Variants in SORT1 observed in about 807,000 individuals in gnomAD.
SORT1 encodes the protein sortilin.
Under a neutral mutation model 101.7 loss-of-function variants are expected in SORT1, and 39 were observed. The ratio of observed to expected loss-of-function variants is 0.38; its 90% confidence interval spans 0.30 to 0.50. The LOEUF (loss-of-function observed/expected upper bound fraction) is 0.50, where lower values mean the gene tolerates loss of function less well. Among genes scored for constraint, SORT1 ranks in the 20% least tolerant of loss-of-function variants. The probability of loss-of-function intolerance (pLI) is 0.90; values close to 1 mark genes in which losing one functional copy is unlikely to be tolerated. For synonymous variants in SORT1, 396 were observed against 393.7 expected (o/e 1.01, Z -0.07); for missense variants, 878 against 1,040.4 (o/e 0.84, Z 2.15).
At chr1:109,314,807 GT>G in intron 17 of SORT1, 29 bp from the exon 18 acceptor site, 1 of 1,334,156 alleles carries the variant, frequency 7.5e-7, no homozygotes, top group Non-Finnish European at 1.1e-6. Context: ...AAACACAAAA[GT>G]TTTAGGCATG....
chr1:109,391,666 T>C (rs1652922893), intron 1 of SORT1, among the ~76,000 whole-genome samples: 1 of 152,210 alleles, frequency 6.6e-6, no homozygotes, highest in African/African-American at 2.4e-5. Flanking sequence ...ATGAGGAATC[T>C]GTCATGAACA....
chr1:109,339,858 T>C (rs1046795222), intron 10 of SORT1, among the ~76,000 whole-genome samples: 3 of 151,992 alleles, frequency 2.0e-5, no homozygotes, highest in African/African-American at 4.8e-5. Context: ...AATGGAGGAA[T>C]AAAAAACAGG....
intron 6 of SORT1, among the ~76,000 whole-genome samples, chr1:109,347,797 T>C (rs1649698867): frequency 1.3e-5 from 2 of 152,164 alleles, no homozygotes; most frequent in South Asian, 2.1e-4. Context: ...CTCTCAACAT[T>C]TGCCTCTGAC....
chr1:109,327,084 C>G lies in SORT1; in HGVS notation c.1551G>C (p.Lys517Asn). ...TGTAATAGTGGGGTCCTTCCAGCAT[C>G]TTTGTCCAGGAGTAACCCCCATCAT... ...ISDDGGYSWT[K>N]MLEGPHYYTI... The change falls in exon 13 of 20, where the codon AAG becomes AAC. Residue 517 changes from lysine (K) to asparagine (N), a missense_variant. By Grantham distance (94) the Lys-to-Asn change is moderately conservative (BLOSUM62 0). Around this residue, in one of 2 missense-constraint regions of SORT1, gnomAD observed 684 missense variants for 894.5 expected, o/e 0.76. Transcript: ENST00000256637. The G allele has an allele frequency of 1.2e-6, 2 of 1,613,286 alleles. No individual in the cohort carries two copies. Among genetic ancestry groups the G allele is most frequent in the Non-Finnish European group, 1.7e-6 (2 of 1,179,772 alleles).
At chr1:109,349,475 C>A (rs1314946051) in intron 6 of SORT1, among the ~76,000 whole-genome samples, 1 of 151,928 alleles carries the variant, frequency 6.6e-6, no homozygotes. Context: ...ATTAAAAAAA[C>A]ATTTCTGGGG....
Position 109,311,370 on chromosome 1 carries a change from CTAACA to C in SORT1, c.*2668_*2672del, listed in dbSNP as rs1358340872. ...TGTTTTACCTTCAAAGATAATGCTC[CTAACA>C]TGAGTAGGACAAATTAGAAATCTAT... is the stretch of plus-strand genomic sequence containing the variant. On this transcript the variant is annotated 3_prime_UTR_variant, in exon 20 of 20. Transcript: ENST00000256637. The C allele has an allele frequency of 2.0e-5, 3 of 152,248 alleles. No homozygotes were observed. Among genetic ancestry groups the C allele is most frequent in the African/African-American group, 7.2e-5 (3 of 41,468 alleles). 9.4% of individuals were successfully genotyped at this position (152,248 alleles called of 1,614,324 possible). A position where few individuals can be genotyped will look rare whatever the true frequency, so the allele number is the denominator to read the frequency against.
intron 3 of SORT1, among the ~76,000 whole-genome samples, chr1:109,360,539 T>C (rs1158061050): frequency 6.6e-6 from 1 of 151,192 alleles, no homozygotes; most frequent in Non-Finnish European, 1.5e-5. Flanking sequence ...TCTCACTATG[T>C]TGCCCAGGCT....
chr1:109,360,773 T>C (rs868081060), intron 3 of SORT1, among the ~76,000 whole-genome samples: 1 of 152,096 alleles, frequency 6.6e-6, no homozygotes, highest in Non-Finnish European at 1.5e-5. Flanking sequence ...AGAAAGGGGG[T>C]AGGCCCACAA....
chr1:109,345,740 G>A lies in SORT1; in HGVS notation c.963+11C>T, dbSNP rs974601046. ...AATATCAGACCCCAAAGGGGAGAGG[G>A]CAATACCTACCTTATCAGCCATCAC... On this transcript the variant is annotated intron_variant, in intron 8 of 19. Transcript: ENST00000256637. The A allele has an allele frequency of 1.2e-6, 2 of 1,610,378 alleles. No homozygotes were observed. The highest frequency in any genetic ancestry group is 1.3e-5 in the African/African-American group (1 of 74,606).
At position 109,314,064 on chromosome 1, in the gene SORT1, A is replaced by G. The variant is rs1390243505; in HGVS notation, c.2482-7T>C. The G allele has an allele frequency of 1.9e-6, 3 of 1,614,120 alleles. No homozygotes were observed. The East Asian group carries it at 6.7e-5, about 36-fold the overall frequency. On this transcript the variant is annotated splice_polypyrimidine_tract_variant and splice_region_variant and intron_variant, in intron 19 of 19. Transcript: ENST00000256637. The stretch of plus-strand genomic sequence containing the variant: ...AGAGCTATTCCAAGAGGTCCTGAAA[A>G]AGACATGCACCATATTACCGACAGA...
intron 1 of SORT1, among the ~76,000 whole-genome samples, chr1:109,377,299 A>C (rs771342334): frequency 6.6e-6 from 1 of 152,212 alleles, no homozygotes; most frequent in Admixed American, 6.5e-5. Context: ...TCTTATATTT[A>C]TTAGATGCTC....
At chr1:109,334,635 G>C (rs1418976654) in intron 11 of SORT1, among the ~76,000 whole-genome samples, 1 of 152,146 alleles carries the variant, frequency 6.6e-6, no homozygotes, top group Non-Finnish European at 1.5e-5. Context: ...ATACTGTATT[G>C]TTACTTGAAG....
intron 1 of SORT1, among the ~76,000 whole-genome samples, chr1:109,376,777 T>C (rs1237773813): frequency 6.6e-6 from 1 of 152,216 alleles, no homozygotes; most frequent in Non-Finnish European, 1.5e-5. Context: ...AACTAACTTT[T>C]GGGTACTATG....
At chr1:109,328,097 A>G (rs952281437) in intron 11 of SORT1, among the ~76,000 whole-genome samples, 1 of 152,176 alleles carries the variant, frequency 6.6e-6, no homozygotes, top group African/African-American at 2.4e-5. Context: ...GTGTGTGTGT[A>G]TCTGTATCCA....
At chr1:109,364,975 T>C (rs901173678) in intron 3 of SORT1, among the ~76,000 whole-genome samples, 1 of 152,230 alleles carries the variant, frequency 6.6e-6, no homozygotes, top group Non-Finnish European at 1.5e-5. Context: ...AGTGCTGTGA[T>C]TCAATCCTGA....
rs569986647 is a variant in SORT1, at chr1:109,355,859, T to C, written c.441-390A>G. Among the ~76,000 whole-genome samples the C allele has an allele frequency of 3.3e-5, 5 of 152,110 alleles. No individual in the cohort carries two copies. The South Asian group carries it at 8.3e-4, about 25-fold the overall frequency. ...GGGTGCTTTTGTCCCCCAAGAAACA[T>C]TTGGTAATGTTTGCAGACTTTTTTT... On this transcript the variant is annotated intron_variant, in intron 3 of 19. Coordinates refer to ENST00000256637, the MANE Select transcript of SORT1 (RefSeq NM_002959.7).
intron 3 of SORT1, among the ~76,000 whole-genome samples, chr1:109,360,809 G>T (rs1460842838): frequency 3.9e-5 from 6 of 152,190 alleles, no homozygotes; most frequent in African/African-American, 1.4e-4. Context: ...TTCTCCCATG[G>T]CTTTGGGTGA....
chr1:109,372,256 C>A (rs1651521540), intron 1 of SORT1, among the ~76,000 whole-genome samples: 1 of 152,180 alleles, frequency 6.6e-6, no homozygotes, highest in South Asian at 2.1e-4. Context: ...TTAGATCTTT[C>A]AAAATATGTA....
At chr1:109,384,408 G>C (rs568368051) in intron 1 of SORT1, among the ~76,000 whole-genome samples, 1 of 152,304 alleles carries the variant, frequency 6.6e-6, no homozygotes, top group Admixed American at 6.5e-5. Context: ...GAGACAGACA[G>C]GGACAACAGC....
Sources: allele counts gnomAD v4.1 joint callset (sites outside exome capture counted in the v4.1 genomes callset), GRCh38; gene constraint gnomAD v4.1.1; regional missense constraint gnomAD v4.1.1; transcripts MANE v1.5; gene names NCBI Gene and HGNC (gene_info 2026-07-23, HGNC 2026-07-21).